The following EIF4G3 variants were observed in gnomAD, a reference collection of about 807,000 sequenced individuals.
The protein encoded by EIF4G3 is eIF-4-gamma 3.
EIF4G3 carries 34 observed loss-of-function variants against 186.4 expected under a neutral mutation model. The observed-to-expected ratio is 0.18, with a 90% CI of 0.14 to 0.24. The LOEUF (loss-of-function observed/expected upper bound fraction) is 0.24. EIF4G3 is among the 10% of genes least tolerant of loss of function. EIF4G3 has a pLI of 1.00. For missense variants in EIF4G3, 1,536 were observed against 1,948.5 expected (o/e 0.79, Z 3.99); for synonymous variants, 673 against 679.5 (o/e 0.99, Z 0.15).
chr1:20,864,398 C>CT, intron 22 of EIF4G3, 78 bp downstream of exon 22: 1 of 1,034,894 alleles, frequency 9.7e-7, no homozygotes, highest in Middle Eastern at 2.7e-4. Context: ...AAAGATAGAA[C>CT]TATTCTGTTG....
chr1:21,161,644 G>A (rs563192784), intron 2 of EIF4G3: 2 of 152,378 alleles, frequency 1.3e-5, no homozygotes, highest in Admixed American at 1.3e-4. Flanking sequence ...CGAAAGGGTA[G>A]AGAGAGATTC....
intron 4 of EIF4G3, 61 bp from the exon 5 acceptor site, chr1:21,002,869 T>C: frequency 2.1e-6 from 2 of 940,894 alleles, no homozygotes; most frequent in Non-Finnish European, 1.7e-6. Flanking sequence ...GCAATTCTAG[T>C]TCAAGATGTT....
chr1:21,176,381 C>A (rs1276205640), intron 1 of EIF4G3, 23 bp from the exon 2 acceptor site: 4 of 245,426 alleles, frequency 1.6e-5, no homozygotes, highest in African/African-American at 7.0e-5. Flanking sequence ...CCGGTTTCTG[C>A]GGTAAACTCA....
chr1:21,160,813 A>C (rs1306931458), intron 2 of EIF4G3, among the ~76,000 whole-genome samples: 1 of 152,222 alleles, frequency 6.6e-6, no homozygotes, highest in East Asian at 1.9e-4. Context: ...CAGAAAAAGG[A>C]CATCAGGGGT....
rs1449166666 is a variant in EIF4G3, at chr1:21,021,479, TC to T, written c.-66-18672del. On this transcript the variant is annotated intron_variant, in intron 4 of 36. Coordinates refer to ENST00000602326, the MANE Select transcript of EIF4G3 (RefSeq NM_001391906.1). ...TAAGCTCAGGCTTCCAAGTGCTCTC[TC>T]CTTCAAAGCCAAGCATGTAACAGGT... is the stretch of plus-strand genomic sequence containing the variant. Among the ~76,000 whole-genome samples the T allele has an allele frequency of 2.0e-5, 3 of 152,298 alleles. No individual in the cohort carries two copies. In the South Asian group the frequency reaches 6.2e-4, roughly 32 times the overall value.
intron 2 of EIF4G3, among the ~76,000 whole-genome samples, chr1:21,130,131 T>A (rs1483390097): frequency 2.0e-5 from 3 of 151,110 alleles, no homozygotes; most frequent in Non-Finnish European, 4.4e-5. Flanking sequence ...TGGCTGTGAT[T>A]CCAGCACTTT....
chr1:20,946,521 A>G (rs2154562959), intron 13 of EIF4G3, among the ~76,000 whole-genome samples: 1 of 152,324 alleles, frequency 6.6e-6, no homozygotes, highest in Middle Eastern at 3.4e-3. Context: ...CTTGGCCTTC[A>G]TGTAAATATT....
At chr1:21,012,941 C>G (rs2087638755) in intron 4 of EIF4G3, among the ~76,000 whole-genome samples, 1 of 152,116 alleles carries the variant, frequency 6.6e-6, no homozygotes, top group African/African-American at 2.4e-5. Flanking sequence ...AACACACATT[C>G]CCACTGAAAA....
At chr1:20,937,526 T>A (rs1271994530) in intron 14 of EIF4G3, among the ~76,000 whole-genome samples, 1 of 151,788 alleles carries the variant, frequency 6.6e-6, no homozygotes, top group East Asian at 1.9e-4. Flanking sequence ...AAATATACAT[T>A]AAAAATGTAC....
intron 2 of EIF4G3, among the ~76,000 whole-genome samples, chr1:21,110,416 C>A (rs2096703025): frequency 6.6e-6 from 1 of 152,048 alleles, no homozygotes; most frequent in African/African-American, 2.4e-5. Context: ...CTGTCTCAGC[C>A]TCTGAGTAGC....
chr1:20,907,560 G>A (rs2092442641), intron 14 of EIF4G3, among the ~76,000 whole-genome samples: 3 of 101,252 alleles, frequency 3.0e-5, no homozygotes, highest in Admixed American at 2.7e-4. Flanking sequence ...CCCCACAACA[G>A]TCCCCGGTGT....
intron 33 of EIF4G3, among the ~76,000 whole-genome samples, chr1:20,819,409 C>T (rs1229911533): frequency 6.6e-6 from 1 of 150,974 alleles, no homozygotes; most frequent in East Asian, 1.9e-4. Flanking sequence ...CCTTGACCTC[C>T]GATTGCTTTT....
intron 4 of EIF4G3, among the ~76,000 whole-genome samples, chr1:21,028,955 T>C (rs762379569): frequency 6.6e-6 from 1 of 152,200 alleles, no homozygotes; most frequent in Non-Finnish European, 1.5e-5. Flanking sequence ...TCACAGCTCA[T>C]CGTAACCTCT....
intron 14 of EIF4G3, among the ~76,000 whole-genome samples, chr1:20,931,304 C>T (rs1394856206): frequency 6.6e-6 from 1 of 152,082 alleles, no homozygotes; most frequent in East Asian, 1.9e-4. Flanking sequence ...ACTCTTTGAT[C>T]TCAGGTTACT....
intron 14 of EIF4G3, among the ~76,000 whole-genome samples, chr1:20,909,850 T>C (rs2092910842): frequency 6.6e-6 from 1 of 151,564 alleles, no homozygotes; most frequent in Non-Finnish European, 1.5e-5. Context: ...GGCATGAACT[T>C]GGCTCACTGT....
chr1:21,106,318 T>C (rs932167649), intron 2 of EIF4G3, among the ~76,000 whole-genome samples: 4 of 151,858 alleles, frequency 2.6e-5, no homozygotes, highest in Non-Finnish European at 5.9e-5. Flanking sequence ...AGCTGAGAGA[T>C]TATAGCAGTT....
intron 14 of EIF4G3, among the ~76,000 whole-genome samples, chr1:20,926,695 A>AAAT (rs1195024590): frequency 1.3e-5 from 2 of 151,290 alleles, no homozygotes; most frequent in African/African-American, 4.8e-5. Flanking sequence ...AAAAAAAAAA[A>AAAT]CTACAATTTT....
At chr1:20,943,968 T>TGTGTG (rs1558362029) in intron 13 of EIF4G3, among the ~76,000 whole-genome samples, 511 of 11,948 alleles carry the variant, frequency 0.043, 41 homozygotes, top group Middle Eastern at 0.091. Context: ...CTTGTCTTTA[T>TGTGTG]TTTTTTTGTG....
rs534549863 is a variant in EIF4G3 at position 21,131,843 on chromosome 1, G to A, written c.-271-42630C>T. Among the ~76,000 whole-genome samples the A allele has an allele frequency of 7.9e-5, 12 of 152,116 alleles. No homozygotes were observed. In the South Asian group the frequency reaches 2.1e-3, roughly 26 times the overall value. ...AAAACGTTGCCAGGTGTGGTCATGTGTGCCTGTAGTCCAAGCTACTTGGGA... is the reference window on the plus strand; with the variant it reads ...AAAACGTTGCCAGGTGTGGTCATGTATGCCTGTAGTCCAAGCTACTTGGGA... On this transcript the variant is annotated intron_variant, in intron 2 of 36. Transcript: ENST00000602326.
Sources: gnomAD v4.1 joint callset for allele counts (sites outside exome capture counted in the v4.1 genomes callset) on GRCh38, gnomAD v4.1.1 for gene constraint, MANE v1.5 for transcripts, NCBI Gene and HGNC (gene_info 2026-07-23, HGNC 2026-07-21) for gene names.